The following TMEM132D variants were observed in gnomAD, a reference collection of about 807,000 sequenced individuals.
TMEM132D encodes the protein transmembrane protein 132D, also known as mature OL transmembrane protein.
Under a neutral mutation model 62.3 loss-of-function variants are expected in TMEM132D, and 21 were observed. The ratio of observed to expected loss-of-function variants is 0.34; its 90% confidence interval spans 0.24 to 0.49. TMEM132D has a LOEUF of 0.49. Among genes scored for constraint, TMEM132D ranks in the 20% least tolerant of loss-of-function variants. The probability of loss-of-function intolerance (pLI) is 0.99; values close to 1 mark genes in which losing one functional copy is unlikely to be tolerated. For missense variants in TMEM132D, 1,346 were observed against 1,402.8 expected, an observed-to-expected ratio of 0.96 and a Z score of 0.65; for synonymous variants, 621 against 575.6, an observed-to-expected ratio of 1.08 and a Z score of -1.13.
chr12:129,696,911 G>A (rs921461680), intron 2 of TMEM132D, among the ~76,000 whole-genome samples: 2 of 152,202 alleles, frequency 1.3e-5, no homozygotes, highest in Admixed American at 1.3e-4. Context: ...GAAGATAGAA[G>A]CAGCAGGGTA....
At chr12:129,076,258 T>G (rs1267030320) in intron 8 of TMEM132D, among the ~76,000 whole-genome samples, 1 of 152,198 alleles carries the variant, frequency 6.6e-6, no homozygotes, top group African/African-American at 2.4e-5. Flanking sequence ...AATAATGAAT[T>G]AGACCAAAAT....
chr12:129,593,189 A>G (rs544341342), intron 2 of TMEM132D, among the ~76,000 whole-genome samples: 2 of 152,308 alleles, frequency 1.3e-5, no homozygotes, highest in East Asian at 3.9e-4. Flanking sequence ...AATGGTTGGA[A>G]AGTCCTTCTG....
At chr12:129,131,912 T>C (rs971117946) in intron 5 of TMEM132D, among the ~76,000 whole-genome samples, 1 of 152,196 alleles carries the variant, frequency 6.6e-6, no homozygotes, top group African/African-American at 2.4e-5. Context: ...TTTTCCAAAC[T>C]TTTATAGGAG....
Position 129,186,624 on chromosome 12 carries a change from G to A in TMEM132D, c.1443+22896C>T, listed in dbSNP as rs567680895. 9.2e-5 allele frequency among the ~76,000 whole-genome samples: 14 copies of A among 152,282 alleles called. No homozygotes were observed. The East Asian group carries it at 2.5e-3, about 27-fold the overall frequency. ...TGCCTGGGTTCAAGCTTGGGCATAC[G>A]ACTTCACTTCTTTGTGCCTCAGTTT... On this transcript the variant is annotated intron_variant, in intron 5 of 8. Coordinates refer to ENST00000422113, the MANE Select transcript of TMEM132D (RefSeq NM_133448.3).
chr12:129,898,250 C>G (rs750978188), intron 1 of TMEM132D, among the ~76,000 whole-genome samples: 18 of 152,168 alleles, frequency 1.2e-4, no homozygotes, highest in Non-Finnish European at 2.6e-4. Flanking sequence ...ATTTCACACT[C>G]TTGGAAGCAC....
At chr12:129,696,295 G>T (rs910345429) in intron 2 of TMEM132D, among the ~76,000 whole-genome samples, 2 of 152,208 alleles carry the variant, frequency 1.3e-5, no homozygotes, top group Admixed American at 6.5e-5. Context: ...ATTCCAACCT[G>T]GTCTTAAAGC....
At chr12:129,543,969 T>C (rs1417432634) in intron 2 of TMEM132D, among the ~76,000 whole-genome samples, 1 of 152,182 alleles carries the variant, frequency 6.6e-6, no homozygotes, top group Admixed American at 6.5e-5. Flanking sequence ...CACACAACAC[T>C]GCACACACAT....
chr12:129,333,567 C>T (rs891719637), intron 4 of TMEM132D, among the ~76,000 whole-genome samples: 9 of 152,274 alleles, frequency 5.9e-5, no homozygotes, highest in East Asian at 3.9e-4. Flanking sequence ...TCTTCTAAGG[C>T]GGACGCTGCT....
chr12:129,334,513 A>G (rs1869213256), intron 4 of TMEM132D, among the ~76,000 whole-genome samples: 1 of 152,212 alleles, frequency 6.6e-6, no homozygotes, highest in South Asian at 2.1e-4. Flanking sequence ...AACCACTACC[A>G]ATACAAAAGG....
chr12:129,191,992 C>A (rs528441987), intron 5 of TMEM132D, among the ~76,000 whole-genome samples: 1 of 152,212 alleles, frequency 6.6e-6, no homozygotes, highest in South Asian at 2.1e-4. Context: ...GAATTCTGTA[C>A]GAAAGCTTCC....
chr12:129,825,210 G>A (rs576634462), intron 1 of TMEM132D, among the ~76,000 whole-genome samples: 1 of 151,524 alleles, frequency 6.6e-6, no homozygotes, highest in South Asian at 2.1e-4. Flanking sequence ...TAGAGATGGG[G>A]TTTTGCCATG....
Position 129,623,762 on chromosome 12 carries a change from CAT to C in TMEM132D, c.968+76046_968+76047del, listed in dbSNP as rs558173194. Among the ~76,000 whole-genome samples the C allele has an allele frequency of 1.8e-3, 266 of 149,272 alleles. 5 individuals carry two copies. In the South Asian group the frequency reaches 0.055, roughly 31 times the overall value. On this transcript the variant is annotated intron_variant, in intron 2 of 8. Coordinates refer to ENST00000422113, the MANE Select transcript of TMEM132D (RefSeq NM_133448.3). ...ATATATATACACATATATATACACA[CAT>C]ATATATACACATATATATATATTCC... is the stretch of plus-strand genomic sequence containing the variant.
intron 1 of TMEM132D, among the ~76,000 whole-genome samples, chr12:129,786,235 C>A (rs1204849783): frequency 6.6e-6 from 1 of 152,116 alleles, no homozygotes; most frequent in East Asian, 1.9e-4. Context: ...GCTGCAGCGC[C>A]CCTGGGGCCC....
rs540713399 is a variant in TMEM132D, at chr12:129,342,903, G to A, written c.1116-5086C>T. ...ACCATCTCACACCAGTTAGAATGGC[G>A]ATCATTAGAAAGTCAGGAAACAAGA... On this transcript the variant is annotated intron_variant, in intron 3 of 8. Coordinates refer to ENST00000422113, the MANE Select transcript of TMEM132D (RefSeq NM_133448.3). Among the ~76,000 whole-genome samples, 25 of 152,260 alleles carry A rather than the reference G, an allele frequency of 1.6e-4. No homozygotes were observed. In the East Asian group the frequency reaches 3.1e-3, roughly 19 times the overall value.
chr12:129,186,914 C>T (rs1469798432), intron 5 of TMEM132D, among the ~76,000 whole-genome samples: 1 of 152,228 alleles, frequency 6.6e-6, no homozygotes, highest in African/African-American at 2.4e-5. Context: ...TTTAGACACA[C>T]TATTTTTGCA....
At chr12:129,604,761 T>C (rs114299105) in intron 2 of TMEM132D, among the ~76,000 whole-genome samples, 258 of 152,352 alleles carry the variant, frequency 1.7e-3, no homozygotes, top group African/African-American at 6.0e-3. Flanking sequence ...GATTTAATTA[T>C]CATTATCGTT....
At position 129,500,693 on chromosome 12, in the gene TMEM132D, T is replaced by C. The variant is rs77768944; in HGVS notation, c.1115+30366A>G. Among the ~76,000 whole-genome samples, 994 of 152,286 alleles carry C rather than the reference T, an allele frequency of 6.5e-3. 4 individuals carry two copies. The highest frequency in any genetic ancestry group is 0.023 in the African/African-American group (937 of 41,556). ...GCTTTTCCTCCTTCCCCCGTCCAAA[T>C]GGAAAAAGAGAAAGAAAGTGTCTAA... On this transcript the variant is annotated intron_variant, in intron 3 of 8. Transcript: ENST00000422113.
intron 2 of TMEM132D, among the ~76,000 whole-genome samples, chr12:129,678,048 T>C (rs80247181): frequency 0.022 from 3,328 of 152,300 alleles, 169 homozygotes; most frequent in South Asian, 0.12. Context: ...TAGGAATATG[T>C]CAAAATTTAT....
intron 3 of TMEM132D, among the ~76,000 whole-genome samples, chr12:129,430,552 CT>C (rs879537325): frequency 1.3e-5 from 2 of 152,118 alleles, no homozygotes; most frequent in Admixed American, 1.3e-4. Context: ...ATACTCCTGC[CT>C]GGAACTCCCA....
Sources: gnomAD v4.1 joint callset for allele counts (sites outside exome capture counted in the v4.1 genomes callset) on GRCh38, gnomAD v4.1.1 for gene constraint, MANE v1.5 for transcripts, NCBI Gene and HGNC (gene_info 2026-07-23, HGNC 2026-07-21) for gene names.